Variants in B3GALT1 observed in about 807,000 individuals in gnomAD.
B3GALT1 encodes beta-1,3-galactosyltransferase 1.
B3GALT1 carries 10 observed loss-of-function variants against 23.2 expected under a neutral mutation model. The observed-to-expected ratio is 0.43, with a 90% CI of 0.27 to 0.73. The LOEUF (loss-of-function observed/expected upper bound fraction) is 0.73, where lower values mean the gene tolerates loss of function less well. Among genes scored for constraint, B3GALT1 ranks in the 30% least tolerant of loss-of-function variants. The pLI is 0.21. For synonymous variants in B3GALT1, 156 were observed against 141.5 expected, an observed-to-expected ratio of 1.10 and a Z score of -0.73; for missense variants, 299 against 405.4, an observed-to-expected ratio of 0.74 and a Z score of 2.25.
chr2:167,672,195 C>G (rs1686343003), intron 3 of B3GALT1, among the ~76,000 whole-genome samples: 1 of 152,044 alleles, frequency 6.6e-6, no homozygotes. Flanking sequence ...CTGCCATTAC[C>G]TCATTTCATG....
At chr2:167,455,581 T>C (rs1699155841) in intron 1 of B3GALT1, among the ~76,000 whole-genome samples, 1 of 152,180 alleles carries the variant, frequency 6.6e-6, no homozygotes, top group South Asian at 2.1e-4. Flanking sequence ...TGGTGCGATC[T>C]CGGCTCACTG....
At chr2:167,687,876 C>T (rs1046887942) in intron 3 of B3GALT1, among the ~76,000 whole-genome samples, 6 of 151,796 alleles carry the variant, frequency 4.0e-5, no homozygotes, top group African/African-American at 7.3e-5. Flanking sequence ...ATACGATAGG[C>T]GATTAAATTG....
At chr2:167,823,940 A>G (rs538131551) in intron 4 of B3GALT1, among the ~76,000 whole-genome samples, 1 of 152,382 alleles carries the variant, frequency 6.6e-6, no homozygotes, top group Admixed American at 6.5e-5. Context: ...GATAATTCTT[A>G]GCTATTATTA....
At chr2:167,634,027 C>T (rs1488271893) in intron 2 of B3GALT1, among the ~76,000 whole-genome samples, 1 of 152,128 alleles carries the variant, frequency 6.6e-6, no homozygotes, top group Non-Finnish European at 1.5e-5. Context: ...AATTAGAACT[C>T]AGGATTAAGA....
At chr2:167,457,937 C>T (rs1036569860) in intron 1 of B3GALT1, among the ~76,000 whole-genome samples, 3 of 152,154 alleles carry the variant, frequency 2.0e-5, no homozygotes, top group Non-Finnish European at 4.4e-5. Flanking sequence ...ATTTGTTTCT[C>T]TTCTATTTTC....
intron 1 of B3GALT1, among the ~76,000 whole-genome samples, chr2:167,442,213 C>A (rs1313677983): frequency 6.6e-6 from 1 of 152,092 alleles, no homozygotes; most frequent in Non-Finnish European, 1.5e-5. Flanking sequence ...ATGAACTCAT[C>A]ATTTTTTATG....
intron 3 of B3GALT1, among the ~76,000 whole-genome samples, chr2:167,685,125 A>C (rs1306077233): frequency 2.6e-5 from 4 of 152,258 alleles, no homozygotes; most frequent in African/African-American, 7.2e-5. Flanking sequence ...ATGATGCTGC[A>C]AATGTTCTTA....
intron 4 of B3GALT1, among the ~76,000 whole-genome samples, chr2:167,866,763 GA>G (rs1283764973): frequency 6.6e-6 from 1 of 152,170 alleles, no homozygotes; most frequent in East Asian, 1.9e-4. Context: ...AATGGAGTAG[GA>G]AAGTATGCAA....
At chr2:167,559,479 A>C (rs1381196659) in intron 2 of B3GALT1, among the ~76,000 whole-genome samples, 3 of 151,148 alleles carry the variant, frequency 2.0e-5, no homozygotes, top group Non-Finnish European at 3.0e-5. Context: ...GAGTTGAGAG[A>C]AGAAGGCTTC....
intron 2 of B3GALT1, among the ~76,000 whole-genome samples, chr2:167,536,891 C>T (rs907870058): frequency 1.3e-5 from 2 of 152,002 alleles, no homozygotes; most frequent in African/African-American, 4.8e-5. Flanking sequence ...TGTAGCTGCC[C>T]TTCAACTCCA....
chr2:167,579,223 C>CA (rs1684437622), intron 2 of B3GALT1, among the ~76,000 whole-genome samples: 2 of 151,960 alleles, frequency 1.3e-5, no homozygotes, highest in African/African-American at 4.8e-5. Flanking sequence ...CTTATGACCC[C>CA]AATCTTGATT....
At chr2:167,531,895 T>C (rs1196190405) in intron 2 of B3GALT1, among the ~76,000 whole-genome samples, 1 of 152,216 alleles carries the variant, frequency 6.6e-6, no homozygotes, top group Non-Finnish European at 1.5e-5. Context: ...GGGTTTTTTC[T>C]GCACAAAACA....
intron 1 of B3GALT1, among the ~76,000 whole-genome samples, chr2:167,324,713 G>A (rs1384308848): frequency 6.6e-6 from 1 of 152,000 alleles, no homozygotes; most frequent in Non-Finnish European, 1.5e-5. Flanking sequence ...TATGTGTCGG[G>A]TACATTTCAT....
chr2:167,470,577 A>G (rs960825078), intron 1 of B3GALT1, among the ~76,000 whole-genome samples: 7 of 152,140 alleles, frequency 4.6e-5, no homozygotes, highest in Non-Finnish European at 1.0e-4. Flanking sequence ...TGTCTAGATT[A>G]TATTTAGAAA....
At chr2:167,559,519 G>A (rs534521288) in intron 2 of B3GALT1, among the ~76,000 whole-genome samples, 1 of 152,252 alleles carries the variant, frequency 6.6e-6, no homozygotes, top group Admixed American at 6.5e-5. Flanking sequence ...AGCTACAGGA[G>A]GAAATTCAAA....
intron 3 of B3GALT1, among the ~76,000 whole-genome samples, chr2:167,814,609 T>G (rs888717214): frequency 6.6e-6 from 1 of 151,606 alleles, no homozygotes; most frequent in African/African-American, 2.4e-5. Context: ...AAAAAAAAAA[T>G]TAGCCAGGCT....
chr2:167,559,797 G>C (rs567947919), intron 2 of B3GALT1, among the ~76,000 whole-genome samples: 2 of 152,210 alleles, frequency 1.3e-5, no homozygotes, highest in South Asian at 4.1e-4. Context: ...AAGAAATATG[G>C]GACTATGTGA....
chr2:167,297,057 G>T (rs113761478), intron 1 of B3GALT1, among the ~76,000 whole-genome samples: 122 of 152,132 alleles, frequency 8.0e-4, no homozygotes, highest in Non-Finnish European at 1.3e-3. Context: ...TGCGTAATAT[G>T]TGAGGGTTAA....
At chr2:167,849,278 G>A (rs1689822680) in intron 4 of B3GALT1, among the ~76,000 whole-genome samples, 1 of 152,070 alleles carries the variant, frequency 6.6e-6, no homozygotes, top group Admixed American at 6.5e-5. Flanking sequence ...GTCAAAGCAA[G>A]ACTAAGCAAA....
Sources: gnomAD v4.1 joint callset for allele counts (sites outside exome capture counted in the v4.1 genomes callset) on GRCh38, gnomAD v4.1.1 for gene constraint, MANE v1.5 for transcripts, NCBI Gene and HGNC (gene_info 2026-07-23, HGNC 2026-07-21) for gene names.